Variants in CCDC171 observed in about 807,000 individuals in gnomAD.
The protein encoded by CCDC171 is coiled-coil domain-containing protein 171.
Under a neutral mutation model 168.2 loss-of-function variants are expected in CCDC171, and 177 were observed. The observed-to-expected ratio is 1.05, with a 90% CI of 0.93 to 1.19. The LOEUF (loss-of-function observed/expected upper bound fraction) is 1.19, where lower values mean the gene tolerates loss of function less well. CCDC171 is among the 50% of genes most tolerant of loss of function. CCDC171 has a pLI of 0.00. For synonymous variants in CCDC171, 687 were observed against 540.8 expected (o/e 1.27, Z -3.75); for missense variants, 1,991 against 1,539.0 (o/e 1.29, Z -4.91).
chr9:15,718,604 C>A (rs1184440080), intron 11 of CCDC171, among the ~76,000 whole-genome samples: 1 of 152,182 alleles, frequency 6.6e-6, no homozygotes, highest in African/African-American at 2.4e-5. Flanking sequence ...TCACTTCTCC[C>A]CCAGTTTTAG....
intron 1 of CCDC171, among the ~76,000 whole-genome samples, chr9:16,052,953 C>G (rs1334497486): frequency 6.6e-6 from 1 of 152,088 alleles, no homozygotes; most frequent in Non-Finnish European, 1.5e-5. Flanking sequence ...CCACTGCTGA[C>G]AGATGGACTT....
At chr9:15,866,711 G>A (rs1376360338) in intron 23 of CCDC171, among the ~76,000 whole-genome samples, 3 of 152,018 alleles carry the variant, frequency 2.0e-5, no homozygotes, top group African/African-American at 7.2e-5. Flanking sequence ...AAAGAAGGCA[G>A]TATAGCAATT....
chr9:15,681,922 C>G (rs78251931), intron 10 of CCDC171, among the ~76,000 whole-genome samples: 9,680 of 152,022 alleles, frequency 0.064, 385 homozygotes, highest in African/African-American at 0.1. Flanking sequence ...TGTGTCTTTT[C>G]CACAATTATA....
intron 21 of CCDC171, among the ~76,000 whole-genome samples, chr9:15,809,528 G>C (rs1317314250): frequency 6.6e-6 from 1 of 152,030 alleles, no homozygotes; most frequent in African/African-American, 2.4e-5. Flanking sequence ...TTTCCTTCTG[G>C]TGGGTTCGTG....
chr9:15,926,457 T>C (rs1825906898), intron 25 of CCDC171, among the ~76,000 whole-genome samples: 1 of 151,574 alleles, frequency 6.6e-6, no homozygotes, highest in Non-Finnish European at 1.5e-5. Flanking sequence ...TTTTACTTTA[T>C]AATCTGATTT....
At chr9:16,078,489 G>C in the CCDC171 span, among the ~76,000 whole-genome samples, 3 of 152,232 alleles carry the variant, frequency 2.0e-5, no homozygotes, top group African/African-American at 7.2e-5. Flanking sequence ...GCTTGGTTAA[G>C]AGTGAGCAGG....
chr9:16,036,215 G>A (rs1270901321), intron 8 of CCDC171: 2 of 152,220 alleles, frequency 1.3e-5, no homozygotes, highest in Non-Finnish European at 1.5e-5. Context: ...AGGTGAGAAA[G>A]ACACAGAAAC....
At chr9:15,950,039 A>G (rs1300811969) in intron 25 of CCDC171, among the ~76,000 whole-genome samples, 2 of 152,150 alleles carry the variant, frequency 1.3e-5, no homozygotes, top group Non-Finnish European at 2.9e-5. Flanking sequence ...TGGAAGATGA[A>G]GTGAATGAAA....
intron 24 of CCDC171, among the ~76,000 whole-genome samples, chr9:15,906,860 G>A (rs1356233740): frequency 1.3e-5 from 2 of 151,990 alleles, no homozygotes; most frequent in South Asian, 2.1e-4. Flanking sequence ...AAAATCACAA[G>A]CATTCTTATA....
intron 10 of CCDC171, among the ~76,000 whole-genome samples, chr9:15,689,684 C>T (rs937836459): frequency 1.3e-5 from 2 of 152,138 alleles, no homozygotes; most frequent in Non-Finnish European, 2.9e-5. Flanking sequence ...GCACTCTAGC[C>T]TGGGTGACAG....
intron 24 of CCDC171, among the ~76,000 whole-genome samples, chr9:15,895,166 C>A (rs1820747762): frequency 1.3e-5 from 2 of 152,042 alleles, no homozygotes; most frequent in South Asian, 4.1e-4. Flanking sequence ...TAAAATATTG[C>A]TAAATAATTC....
chr9:15,866,286 G>T (rs1390685568), intron 23 of CCDC171, among the ~76,000 whole-genome samples: 1 of 151,868 alleles, frequency 6.6e-6, no homozygotes, highest in Non-Finnish European at 1.5e-5. Flanking sequence ...TGGATATAGT[G>T]AGTAATAAAA....
intron 6 of CCDC171, among the ~76,000 whole-genome samples, chr9:15,612,297 A>G (rs1302139977): frequency 6.6e-6 from 1 of 152,188 alleles, no homozygotes; most frequent in Admixed American, 6.5e-5. Context: ...GAAAAAGCTG[A>G]AACCTAAGTC....
intron 3 of CCDC171, among the ~76,000 whole-genome samples, chr9:15,572,959 G>C (rs186614718): frequency 7.9e-4 from 121 of 152,268 alleles, no homozygotes; most frequent in Middle Eastern, 6.8e-3. Flanking sequence ...AGGAGTTCGA[G>C]ATCAGCCTGG....
At chr9:15,608,819 G>A (rs76437822) in intron 6 of CCDC171, among the ~76,000 whole-genome samples, 2 of 149,826 alleles carry the variant, frequency 1.3e-5, no homozygotes, top group East Asian at 2.0e-4. Flanking sequence ...TTAGCCAGGC[G>A]TAGTGGCATA....
intron 6 of CCDC171, among the ~76,000 whole-genome samples, chr9:16,024,524 C>T (rs1021634781): frequency 1.3e-5 from 2 of 152,206 alleles, no homozygotes; most frequent in African/African-American, 4.8e-5. Flanking sequence ...CCCTCATAGG[C>T]ATGCTCAGAC....
At chr9:15,633,218 C>T (rs10756684) in intron 7 of CCDC171, among the ~76,000 whole-genome samples, 71,816 of 151,882 alleles carry the variant, frequency 0.47, 17,428 homozygotes, top group East Asian at 0.76. Flanking sequence ...AAGAAACTAC[C>T]GTCAGAGTGA....
At chr9:16,002,117 C>T (rs1194574672) in intron 3 of CCDC171, among the ~76,000 whole-genome samples, 2 of 149,196 alleles carry the variant, frequency 1.3e-5, no homozygotes, top group African/African-American at 4.9e-5. Context: ...CATGAGTCAC[C>T]ATGCCCAGCC....
chr9:15,683,262 C>CTG (rs1409299856), intron 10 of CCDC171, among the ~76,000 whole-genome samples: 1 of 151,856 alleles, frequency 6.6e-6, no homozygotes, highest in African/African-American at 2.4e-5. Flanking sequence ...GGGGGTTTAA[C>CTG]TGATTATATA....
Sources: allele counts gnomAD v4.1 joint callset (sites outside exome capture counted in the v4.1 genomes callset), GRCh38; gene constraint gnomAD v4.1.1; transcripts MANE v1.5; gene names NCBI Gene and HGNC (gene_info 2026-07-23, HGNC 2026-07-21).